The following MYO3B variants were observed in gnomAD, a reference collection of about 807,000 sequenced individuals.
The protein encoded by MYO3B is myosin-IIIb.
In MYO3B, 156 loss-of-function variants were observed where a neutral mutation model predicts 174.6. The ratio of observed to expected loss-of-function variants is 0.89; its 90% CI spans 0.78 to 1.02. The LOEUF is 1.02. MYO3B is among the 50% of genes least tolerant of loss of function. The pLI, the probability that MYO3B is intolerant of heterozygous loss-of-function variation, is 0.00. For missense variants in MYO3B, 1,632 were observed against 1,639.4 expected, an observed-to-expected ratio of 1.00 and a Z score of 0.08; for synonymous variants, 563 against 569.1, an observed-to-expected ratio of 0.99 and a Z score of 0.15.
intron 8 of MYO3B, among the ~76,000 whole-genome samples, chr2:170,356,725 C>T (rs940269206): frequency 4.6e-5 from 7 of 152,096 alleles, no homozygotes; most frequent in Non-Finnish European, 8.8e-5. Context: ...CCTGTCATTA[C>T]ATCACAGTTC....
At chr2:170,260,101 G>A (rs564274489) in intron 7 of MYO3B, among the ~76,000 whole-genome samples, 3 of 152,290 alleles carry the variant, frequency 2.0e-5, no homozygotes, top group East Asian at 1.9e-4. Flanking sequence ...AAAAGGGAAT[G>A]CTCATACACT....
chr2:170,558,463 C>T (rs1350461824), intron 32 of MYO3B, among the ~76,000 whole-genome samples: 1 of 152,142 alleles, frequency 6.6e-6, no homozygotes, highest in Non-Finnish European at 1.5e-5. Context: ...CTGCATCCTA[C>T]AGGTAACCAC....
intron 22 of MYO3B, among the ~76,000 whole-genome samples, chr2:170,443,523 T>C (rs1277760982): frequency 2.0e-5 from 3 of 152,148 alleles, no homozygotes; most frequent in African/African-American, 4.8e-5. Flanking sequence ...ATTTTGGCTT[T>C]TGTTGCCATT....
chr2:170,333,644 CT>C (rs1337340269), intron 7 of MYO3B, among the ~76,000 whole-genome samples: 1 of 152,024 alleles, frequency 6.6e-6, no homozygotes, highest in African/African-American at 2.4e-5. Flanking sequence ...TTTTTACATC[CT>C]TGTGTCTTGG....
chr2:170,451,648 C>T (rs532047870), intron 23 of MYO3B, among the ~76,000 whole-genome samples: 1 of 152,298 alleles, frequency 6.6e-6, no homozygotes, highest in South Asian at 2.1e-4. Context: ...TTTTTACCCC[C>T]AATTGTTCAG....
chr2:170,584,315 T>C (rs545044945), intron 32 of MYO3B, among the ~76,000 whole-genome samples: 1 of 152,346 alleles, frequency 6.6e-6, no homozygotes, highest in South Asian at 2.1e-4. Context: ...TAATTTTTTT[T>C]TTCTTTTTAA....
intron 8 of MYO3B, among the ~76,000 whole-genome samples, chr2:170,359,449 A>T (rs1013294857): frequency 6.6e-6 from 1 of 152,166 alleles, no homozygotes; most frequent in Admixed American, 6.5e-5. Context: ...TAAAGCAAAT[A>T]TCTAATTGTG....
At chr2:170,642,785 T>C (rs1231143138) in intron 32 of MYO3B, among the ~76,000 whole-genome samples, 1 of 152,156 alleles carries the variant, frequency 6.6e-6, no homozygotes, top group African/African-American at 2.4e-5. Context: ...AAATCTGAGC[T>C]ACCAGGGCAT....
chr2:170,542,311 A>T (rs1690165849), intron 30 of MYO3B, among the ~76,000 whole-genome samples: 1 of 152,212 alleles, frequency 6.6e-6, no homozygotes, highest in Non-Finnish European at 1.5e-5. Context: ...GATTTTTCCA[A>T]ACTTTGTTCC....
intron 32 of MYO3B, among the ~76,000 whole-genome samples, chr2:170,638,862 C>T (rs1031430448): frequency 6.6e-6 from 1 of 152,196 alleles, no homozygotes; most frequent in African/African-American, 2.4e-5. Flanking sequence ...GTAAGGGATT[C>T]ACTTAAGGTC....
chr2:170,560,630 C>T (rs894749820), intron 32 of MYO3B, among the ~76,000 whole-genome samples: 2 of 151,644 alleles, frequency 1.3e-5, no homozygotes, highest in Non-Finnish European at 2.9e-5. Context: ...GAAACAATTG[C>T]AAGAGATCTA....
intron 32 of MYO3B, among the ~76,000 whole-genome samples, chr2:170,622,420 A>G (rs1282296032): frequency 6.6e-6 from 1 of 152,214 alleles, no homozygotes; most frequent in Non-Finnish European, 1.5e-5. Flanking sequence ...GCTTGCTTAA[A>G]AAACAAGTAA....
At position 170,206,979 on chromosome 2, in the gene MYO3B, G is replaced by C. The variant is rs1391978754; in HGVS notation, c.321+6695G>C. 6.6e-6 allele frequency among the ~76,000 whole-genome samples: 1 copy of C among 152,080 alleles called. No homozygotes were observed. The highest frequency in any genetic ancestry group is 1.5e-5 in the Non-Finnish European group (1 of 68,024). On this transcript the variant is annotated intron_variant, in intron 3 of 34. Coordinates refer to ENST00000408978, the MANE Select transcript of MYO3B (RefSeq NM_138995.5). The surrounding 1 kb of genome is among the most constrained non-coding windows in gnomAD (Gnocchi z 4.3). ...GTCCCCAAATAGAGCATGAAGTTCTGAGTGTCTTACAAGTTGTGAGCAGAT... is the reference window on the plus strand; with the variant it reads ...GTCCCCAAATAGAGCATGAAGTTCTCAGTGTCTTACAAGTTGTGAGCAGAT...
At chr2:170,566,128 A>C (rs1025568116) in intron 32 of MYO3B, among the ~76,000 whole-genome samples, 1 of 152,218 alleles carries the variant, frequency 6.6e-6, no homozygotes, top group African/African-American at 2.4e-5. Context: ...AGATGAAAAC[A>C]TGCTGAATTA....
intron 1 of MYO3B, among the ~76,000 whole-genome samples, chr2:170,192,232 C>CT (rs893391301): frequency 7.8e-4 from 118 of 150,340 alleles, no homozygotes; most frequent in African/African-American, 2.6e-3. Context: ...AGGGCTAGCT[C>CT]TTTTTTTTTA....
chr2:170,454,088 G>T (rs1318612160), intron 23 of MYO3B, among the ~76,000 whole-genome samples: 1 of 152,184 alleles, frequency 6.6e-6, no homozygotes, highest in Non-Finnish European at 1.5e-5. Context: ...ACACAACAAA[G>T]ACAAGATGGA....
At chr2:170,339,966 G>A (rs1405238980) in intron 8 of MYO3B, among the ~76,000 whole-genome samples, 1 of 152,110 alleles carries the variant, frequency 6.6e-6, no homozygotes, top group Non-Finnish European at 1.5e-5. Flanking sequence ...TACGACTAAA[G>A]CTATTTGCAT....
chr2:170,309,268 C>T (rs2105464753), intron 7 of MYO3B, among the ~76,000 whole-genome samples: 1 of 152,300 alleles, frequency 6.6e-6, no homozygotes, highest in South Asian at 2.1e-4. Context: ...TCATAAATTA[C>T]TGTGTGTAAT....
intron 14 of MYO3B, among the ~76,000 whole-genome samples, chr2:170,390,264 A>G (rs887470285): frequency 6.6e-6 from 1 of 152,124 alleles, no homozygotes; most frequent in Non-Finnish European, 1.5e-5. Context: ...CTCTGTCTCT[A>G]CAAACACAAA....
Sources: allele counts gnomAD v4.1 joint callset (sites outside exome capture counted in the v4.1 genomes callset), GRCh38; gene constraint gnomAD v4.1.1; non-coding constraint Gnocchi (gnomAD v3.1); transcripts MANE v1.5; gene names NCBI Gene and HGNC (gene_info 2026-07-23, HGNC 2026-07-21).